The following DMD variants were observed in gnomAD, a reference collection of about 807,000 sequenced individuals.
The protein encoded by DMD is mutant dystrophin.
A neutral mutation model predicts 330.1 loss-of-function variants in DMD; 63 were observed. The ratio of observed to expected loss-of-function variants is 0.19; its 90% CI spans 0.16 to 0.24. The LOEUF is 0.24. DMD is among the 10% of genes least tolerant of loss of function. The probability of loss-of-function intolerance (pLI) is 1.00; values close to 1 mark genes in which losing one functional copy is unlikely to be tolerated. For synonymous variants in DMD, 1,223 were observed against 959.8 expected (o/e 1.27, Z -5.07); for missense variants, 3,344 against 2,684.1 (o/e 1.25, Z -5.43).
chrX:32,037,931 T>G (rs1170068863), intron 44 of DMD, among the ~76,000 whole-genome samples: 1 of 111,708 alleles, frequency 9.0e-6, no homozygotes, highest in African/African-American at 3.3e-5. Flanking sequence ...TGCAGACATC[T>G]CACAACTGAA....
chrX:31,124,571 G>A (rs1316848530), intron 78 of DMD, among the ~76,000 whole-genome samples: 5 of 111,842 alleles, frequency 4.5e-5, no homozygotes, highest in Non-Finnish European at 9.4e-5. Flanking sequence ...CCAGGATTCA[G>A]GCATTTGCAA....
chrX:32,287,781 A>T, intron 42 of DMD, 80 bp from the exon 43 acceptor site: 2 of 671,926 alleles, frequency 3.0e-6, no homozygotes, highest in Non-Finnish European at 2.1e-6. Context: ...ATATATACAA[A>T]TCCCAAAGGT....
chrX:32,818,357 C>T (rs1020065406), intron 5 of DMD, among the ~76,000 whole-genome samples: 4 of 111,346 alleles, frequency 3.6e-5, no homozygotes, highest in African/African-American at 1.3e-4. Context: ...ATTGCTTCTA[C>T]TTAGGTGCAA....
intron 50 of DMD, among the ~76,000 whole-genome samples, chrX:31,777,168 C>G (rs138634939): frequency 9.0e-6 from 1 of 111,642 alleles, no homozygotes; most frequent in Non-Finnish European, 1.9e-5. Flanking sequence ...TAACAGCCAC[C>G]CATTAGAATG....
chrX:32,432,778 G>C lies in DMD; in HGVS notation c.4071+5463C>G, dbSNP rs1377812053. Among the ~76,000 whole-genome samples the C allele has an allele frequency of 3.6e-5, 4 of 112,024 alleles. No homozygotes were observed. The East Asian group carries it at 1.1e-3, about 31-fold the overall frequency. ...ACTTATTTTCCTAGATTACTTTATA[G>C]TCTTCCTTCAAGCAATGTTCTTCCG... On this transcript the variant is annotated intron_variant, in intron 29 of 78. Transcript: ENST00000357033.
chrX:32,311,332 T>C (rs1478726113), intron 41 of DMD, among the ~76,000 whole-genome samples: 1 of 110,960 alleles, frequency 9.0e-6, no homozygotes, highest in East Asian at 2.9e-4. Context: ...ACCATACTTA[T>C]TTTTGCAGTA....
At chrX:31,818,479 C>T (rs1436129276) in intron 50 of DMD, among the ~76,000 whole-genome samples, 2 of 111,005 alleles carry the variant, frequency 1.8e-5, no homozygotes, top group Non-Finnish European at 3.8e-5. Flanking sequence ...CCATGTGTAA[C>T]GTGGCTTATA....
intron 9 of DMD, among the ~76,000 whole-genome samples, chrX:32,682,106 G>T (rs1253844257): frequency 9.0e-6 from 1 of 111,572 alleles, no homozygotes; most frequent in African/African-American, 3.3e-5. Context: ...ATTTTCTTCC[G>T]AGTGTAAAGT....
At chrX:32,886,512 T>A (rs1294682092) in intron 2 of DMD, among the ~76,000 whole-genome samples, 1 of 109,475 alleles carries the variant, frequency 9.1e-6, no homozygotes, top group Non-Finnish European at 1.9e-5. Flanking sequence ...TGAAACCCCG[T>A]CTCTACTAAA....
intron 11 of DMD, among the ~76,000 whole-genome samples, chrX:32,639,391 T>C (rs1405432079): frequency 9.0e-6 from 1 of 111,602 alleles, no homozygotes; most frequent in Non-Finnish European, 1.9e-5. Flanking sequence ...AAAAAAATCA[T>C]TGGCTTACTC....
intron 9 of DMD, among the ~76,000 whole-genome samples, chrX:32,690,792 C>A (rs1272728828): frequency 2.0e-5 from 2 of 100,633 alleles, no homozygotes; most frequent in African/African-American, 9.6e-5. Flanking sequence ...TATCCACGTG[C>A]AAAATAATGA....
intron 55 of DMD, among the ~76,000 whole-genome samples, chrX:31,622,883 C>T (rs1183972152): frequency 2.0e-5 from 2 of 101,033 alleles, no homozygotes; most frequent in East Asian, 3.2e-4. Flanking sequence ...TATATACACA[C>T]ACACACACAC....
In DMD at chrX:32,699,102, C is replaced by G; in HGVS notation, c.831+10G>C. ...CATCTTGAATAGTAGCTGTCCTTTA[C>G]ACACTTTACCTGTTGAGAATAGTGC... is the stretch of plus-strand genomic sequence containing the variant. On this transcript the variant is annotated intron_variant, in intron 8 of 78. Transcript: ENST00000357033. The G allele has an allele frequency of 8.3e-7, 1 of 1,202,611 alleles. No homozygotes were observed. The highest frequency in any genetic ancestry group is 1.1e-6 in the Non-Finnish European group (1 of 887,484).
intron 44 of DMD, among the ~76,000 whole-genome samples, chrX:32,067,473 A>T (rs1448488932): frequency 9.0e-6 from 1 of 110,942 alleles, no homozygotes; most frequent in Non-Finnish European, 1.9e-5. Context: ...AGCATAGTAC[A>T]CAATAGGCAG....
chrX:32,319,911 T>C (rs1432829500), intron 41 of DMD, among the ~76,000 whole-genome samples: 2 of 110,812 alleles, frequency 1.8e-5, no homozygotes, highest in African/African-American at 6.5e-5. Context: ...ATATCTAGTA[T>C]ATATTTTTTA....
At chrX:31,940,151 AG>A (rs1281424982) in intron 45 of DMD, among the ~76,000 whole-genome samples, 1 of 111,743 alleles carries the variant, frequency 8.9e-6, no homozygotes, top group Non-Finnish European at 1.9e-5. Flanking sequence ...AGTGTTACAG[AG>A]GAAAAAAATG....
chrX:31,884,644 T>C (rs2094125116), intron 47 of DMD, among the ~76,000 whole-genome samples: 1 of 111,976 alleles, frequency 8.9e-6, no homozygotes, highest in African/African-American at 3.2e-5. Flanking sequence ...TAAGTGTTCT[T>C]ACCACAAAAA....
At chrX:31,373,941 C>T (rs748542160) in intron 60 of DMD, among the ~76,000 whole-genome samples, 1 of 109,420 alleles carries the variant, frequency 9.1e-6, no homozygotes, top group East Asian at 2.9e-4. Context: ...GGGCTAATAT[C>T]CAGAATCTAC....
At chrX:31,725,410 C>G (rs1255045616) in intron 52 of DMD, among the ~76,000 whole-genome samples, 6 of 110,891 alleles carry the variant, frequency 5.4e-5, no homozygotes, top group African/African-American at 1.3e-4. Flanking sequence ...GGCGAAATAA[C>G]TAAACAGCTA....
Sources: allele counts gnomAD v4.1 joint callset (sites outside exome capture counted in the v4.1 genomes callset), GRCh38; gene constraint gnomAD v4.1.1; transcripts MANE v1.5; gene names NCBI Gene and HGNC (gene_info 2026-07-23, HGNC 2026-07-21).